Variants in MICU2 observed in about 807,000 individuals in gnomAD.
MICU2 encodes mitochondrial calcium uptake 2.
Under a neutral mutation model 60.4 loss-of-function variants are expected in MICU2, and 64 were observed. The observed-to-expected ratio is 1.06, with a 90% CI of 0.87 to 1.31. MICU2 has a LOEUF of 1.31. Ranked by LOEUF, MICU2 falls within the 50% of genes most tolerant of loss-of-function variation. The pLI is 0.00. For synonymous variants in MICU2, 201 were observed against 175.0 expected (o/e 1.15, Z -1.17); for missense variants, 569 against 531.0 (o/e 1.07, Z -0.70).
chr13:21,535,895 T>A (rs1397638764), intron 4 of MICU2, among the ~76,000 whole-genome samples: 1 of 152,098 alleles, frequency 6.6e-6, no homozygotes, highest in Non-Finnish European at 1.5e-5. Flanking sequence ...TTTTAAAAGG[T>A]GATGAAAGTG....
At chr13:21,597,670 G>A (rs1413429793) in intron 1 of MICU2, among the ~76,000 whole-genome samples, 1 of 152,182 alleles carries the variant, frequency 6.6e-6, no homozygotes, top group Non-Finnish European at 1.5e-5. Flanking sequence ...GCTCATGCCT[G>A]TAATCCCAGC....
intron 1 of MICU2, among the ~76,000 whole-genome samples, chr13:21,568,754 C>T (rs1888039167): frequency 6.6e-6 from 1 of 152,042 alleles, no homozygotes; most frequent in Admixed American, 6.6e-5. Context: ...TTTCCTGGTC[C>T]TAACTAATAT....
intron 1 of MICU2, among the ~76,000 whole-genome samples, chr13:21,588,776 G>A (rs1016582838): frequency 2.6e-5 from 4 of 152,130 alleles, no homozygotes; most frequent in South Asian, 2.1e-4. Context: ...ATAAGACATC[G>A]TAAAGCAAGA....
intron 2 of MICU2, among the ~76,000 whole-genome samples, chr13:21,546,295 C>CTTTT (rs33921647): frequency 1.3e-3 from 174 of 131,346 alleles, no homozygotes; most frequent in Middle Eastern, 8.2e-3. Context: ...GATAAAAAGA[C>CTTTT]TTTTTTTTTT....
chr13:21,511,571 C>G (rs1175224538), intron 7 of MICU2, among the ~76,000 whole-genome samples: 2 of 152,168 alleles, frequency 1.3e-5, no homozygotes, highest in Non-Finnish European at 2.9e-5. Context: ...TCAGTATCCT[C>G]CAATGGTAGC....
chr13:21,496,826 C>CG (rs1310067337), intron 9 of MICU2, among the ~76,000 whole-genome samples: 1 of 152,032 alleles, frequency 6.6e-6, no homozygotes, highest in Non-Finnish European at 1.5e-5. Flanking sequence ...GAGGCGGAGG[C>CG]GGGCGGATCA....
intron 9 of MICU2, 68 bp from the exon 10 acceptor site, chr13:21,496,228 G>T: frequency 8.3e-7 from 1 of 1,206,742 alleles, no homozygotes; most frequent in Non-Finnish European, 1.2e-6. Context: ...TGTTAACTAT[G>T]AACTTTCTTT....
chr13:21,603,384 T>C (rs1888871331), intron 1 of MICU2, among the ~76,000 whole-genome samples: 1 of 152,204 alleles, frequency 6.6e-6, no homozygotes, highest in Non-Finnish European at 1.5e-5. Flanking sequence ...AAGTTGATAA[T>C]AAAATCTGGA....
intron 1 of MICU2, among the ~76,000 whole-genome samples, chr13:21,587,308 C>T (rs1040930040): frequency 2.8e-4 from 43 of 152,284 alleles, no homozygotes; most frequent in African/African-American, 1.0e-3. Context: ...TATCTCCCCA[C>T]AAAATACTTA....
chr13:21,575,085 T>C (rs1888191859), intron 1 of MICU2, among the ~76,000 whole-genome samples: 1 of 152,196 alleles, frequency 6.6e-6, no homozygotes, highest in Admixed American at 6.5e-5. Flanking sequence ...AGTCTAGACT[T>C]TGTCCCAGAG....
Position 21,539,634 on chromosome 13 carries a change from G to T in MICU2, c.390+23C>A, listed in dbSNP as rs1887232687. The T allele has an allele frequency of 3.7e-6, 6 of 1,613,784 alleles. No homozygotes were observed. The Admixed American group carries it at 1.0e-4, about 27-fold the overall frequency. On this transcript the variant is annotated intron_variant, in intron 3 of 11. Coordinates refer to ENST00000382374, the MANE Select transcript of MICU2 (RefSeq NM_152726.3). Reference sequence around the variant, plus strand: ...TTCTATCTTACCAAAAACAAACCCTGCCCCCCACAACATGATGCTTACCTT... The same window carrying T: ...TTCTATCTTACCAAAAACAAACCCTTCCCCCCACAACATGATGCTTACCTT...
intron 8 of MICU2, among the ~76,000 whole-genome samples, chr13:21,506,106 C>G (rs1260455926): frequency 1.3e-4 from 19 of 151,690 alleles, no homozygotes; most frequent in Admixed American, 1.2e-3. Context: ...CTCACTGCAG[C>G]CTCAACCTCC....
At chr13:21,532,303 GAAAAT>G (rs1478852196) in intron 4 of MICU2, among the ~76,000 whole-genome samples, 1 of 152,108 alleles carries the variant, frequency 6.6e-6, no homozygotes, top group Non-Finnish European at 1.5e-5. Context: ...TTCATACCAA[GAAAAT>G]AAAATGTTTG....
chr13:21,539,551 G>A (rs1887229277), intron 3 of MICU2, 106 bp downstream of exon 3: 4 of 1,459,486 alleles, frequency 2.7e-6, no homozygotes, highest in Non-Finnish European at 3.8e-6. Flanking sequence ...GCCCACCTTG[G>A]CCTCCCAAAG....
At chr13:21,534,039 G>T (rs1887072409) in intron 4 of MICU2, among the ~76,000 whole-genome samples, 1 of 149,100 alleles carries the variant, frequency 6.7e-6, no homozygotes, top group African/African-American at 2.5e-5. Flanking sequence ...AGTGAGCCAA[G>T]ATCACGCCAC....
chr13:21,515,827 T>G (rs150067404), intron 6 of MICU2, among the ~76,000 whole-genome samples: 1 of 152,362 alleles, frequency 6.6e-6, no homozygotes, highest in East Asian at 1.9e-4. Context: ...TTTCCCCTAC[T>G]TAATTATTTT....
chr13:21,548,406 A>G (rs577523796), intron 2 of MICU2, among the ~76,000 whole-genome samples: 3 of 152,344 alleles, frequency 2.0e-5, no homozygotes, highest in South Asian at 2.1e-4. Flanking sequence ...TGTTTACCTG[A>G]TGAGTGTGGT....
intron 1 of MICU2, among the ~76,000 whole-genome samples, chr13:21,591,527 C>T (rs28816401): frequency 1.3e-5 from 2 of 152,136 alleles, no homozygotes; most frequent in Non-Finnish European, 2.9e-5. Flanking sequence ...TCAAGTGGAC[C>T]TAGTAGACAT....
chr13:21,589,512 G>T (rs903047623), intron 1 of MICU2, among the ~76,000 whole-genome samples: 1 of 152,196 alleles, frequency 6.6e-6, no homozygotes, highest in Admixed American at 6.5e-5. Context: ...AAGGGTAGGG[G>T]TTGTTAGATA....
Sources: allele counts gnomAD v4.1 joint callset (sites outside exome capture counted in the v4.1 genomes callset), GRCh38; gene constraint gnomAD v4.1.1; transcripts MANE v1.5; gene names NCBI Gene and HGNC (gene_info 2026-07-23, HGNC 2026-07-21).